The following APPL2 variants were observed in gnomAD, a reference collection of about 807,000 sequenced individuals.
The protein encoded by APPL2 is DCC-interacting protein 13-beta.
A neutral mutation model predicts 92.7 loss-of-function variants in APPL2; 84 were observed. The ratio of observed to expected loss-of-function variants is 0.91; its 90% CI spans 0.76 to 1.09. APPL2 has a LOEUF of 1.09. Among genes scored for constraint, APPL2 ranks in the 50% least tolerant of loss-of-function variants. APPL2 has a pLI of 0.00. For missense variants in APPL2, 736 were observed against 824.5 expected (o/e 0.89, Z 1.31); for synonymous variants, 291 against 291.0 (o/e 1.00, Z 0.00).
intron 17 of APPL2, among the ~76,000 whole-genome samples, chr12:105,180,387 T>C (rs960444283): frequency 9.9e-5 from 15 of 152,206 alleles, no homozygotes; most frequent in Non-Finnish European, 2.1e-4. Flanking sequence ...AGCCTTGTAG[T>C]ATAGTTTGAA....
chr12:105,189,124 T>C (rs1188004008), intron 16 of APPL2, among the ~76,000 whole-genome samples: 1 of 152,132 alleles, frequency 6.6e-6, no homozygotes, highest in Non-Finnish European at 1.5e-5. Flanking sequence ...GTTCAAGTGA[T>C]TCTCATGTCT....
At chr12:105,178,801 C>G (rs1592751540) in intron 17 of APPL2, among the ~76,000 whole-genome samples, 1 of 152,128 alleles carries the variant, frequency 6.6e-6, no homozygotes, top group African/African-American at 2.4e-5. Context: ...AGAAAAGTTA[C>G]TTTTACGTCC....
Position 105,185,109 on chromosome 12 carries a change from C to A in APPL2, c.1634+3164G>T, listed in dbSNP as rs112443877. ...AGTAATGGCGGATGCCCCTCCCCCC[C>A]ACCAAGCTCGAGCATCCCTGGTCAA... On this transcript the variant is annotated intron_variant, in intron 17 of 20. Coordinates refer to ENST00000258530, the MANE Select transcript of APPL2 (RefSeq NM_018171.5). Among the ~76,000 whole-genome samples, 38 of 152,286 alleles carry A rather than the reference C, an allele frequency of 2.5e-4. No homozygotes were observed. In the South Asian group the frequency reaches 2.9e-3, roughly 12 times the overall value.
At chr12:105,194,486 T>C (rs578005861) in intron 14 of APPL2, among the ~76,000 whole-genome samples, 99 of 151,154 alleles carry the variant, frequency 6.5e-4, no homozygotes, top group Non-Finnish European at 1.1e-3. Flanking sequence ...AGGTCAGGAG[T>C]TCAAGACCAG....
At chr12:105,177,719 ACT>A (rs1885689631) in intron 17 of APPL2, among the ~76,000 whole-genome samples, 1 of 152,116 alleles carries the variant, frequency 6.6e-6, no homozygotes, top group Non-Finnish European at 1.5e-5. Flanking sequence ...TTTTGACAAA[ACT>A]CTTATCAATT....
chr12:105,235,893 CGGGGCTGGA>C, intron 1 of APPL2, 57 bp downstream of exon 1: 1 of 1,206,074 alleles, frequency 8.3e-7, no homozygotes, highest in African/African-American at 1.6e-5. Flanking sequence ...GCCTCCACTC[CGGGGCTGGA>C]GGGGCCTCCT....
intron 14 of APPL2, among the ~76,000 whole-genome samples, chr12:105,190,710 C>T (rs1215973502): frequency 3.3e-5 from 5 of 152,314 alleles, no homozygotes; most frequent in Admixed American, 2.6e-4. Flanking sequence ...CTAGGCCAGC[C>T]GGCACCCCGC....
Position 105,229,194 on chromosome 12 carries a change from T to C in APPL2, c.84A>G (p.Glu28=). The C allele has an allele frequency of 6.2e-7, 1 of 1,613,886 alleles. No homozygotes were observed. Among genetic ancestry groups the C allele is most frequent in the Non-Finnish European group, 8.5e-7 (1 of 1,179,898 alleles). Residue 28 remains glutamate (E), a synonymous_variant, in exon 2 of 21, where the codon GAA becomes GAG. Transcript: ENST00000258530. ...QTRSLLSVFE[E]DAGTLTDYTN... is the part of the protein sequence containing the mutation. ...TATAGTCTGTGAGGGTGCCAGCATCTTCTTCAAACACGCTCAGTAAAGAGC... is the reference window on the plus strand; with the variant it reads ...TATAGTCTGTGAGGGTGCCAGCATCCTCTTCAAACACGCTCAGTAAAGAGC...
intron 2 of APPL2, 139 bp from the exon 3 acceptor site, chr12:105,217,864 A>G: frequency 1.5e-6 from 1 of 680,544 alleles, no homozygotes. Context: ...GTACTTTGGG[A>G]GATTGAGGCA....
At chr12:105,199,798 C>G (rs1887991478) in intron 9 of APPL2, among the ~76,000 whole-genome samples, 2 of 152,098 alleles carry the variant, frequency 1.3e-5, no homozygotes, top group South Asian at 4.1e-4. Context: ...TTGAACCCAG[C>G]TACACAGTCT....
chr12:105,233,285 A>C (rs1426124701), intron 1 of APPL2: 2 of 985,358 alleles, frequency 2.0e-6, no homozygotes, highest in Non-Finnish European at 2.4e-6. Flanking sequence ...GTGCCAGGCA[A>C]GGAGCAGAGG....
At position 105,173,519 on chromosome 12, in the gene APPL2, A is replaced by G. The variant is rs899770448; in HGVS notation, c.*795T>C. On this transcript the variant is annotated 3_prime_UTR_variant, in exon 21 of 21. Coordinates refer to ENST00000258530, the MANE Select transcript of APPL2 (RefSeq NM_018171.5). ...CCCATGACCAGCTGTGCTTCAAGTGAGTTTTAAAATTAATTGGTCCCTTCC... is the reference window on the plus strand; with the variant it reads ...CCCATGACCAGCTGTGCTTCAAGTGGGTTTTAAAATTAATTGGTCCCTTCC... 6.6e-6 allele frequency: 1 copy of G among 152,550 alleles called. No homozygotes were observed. The highest frequency in any genetic ancestry group is 1.5e-5 in the Non-Finnish European group (1 of 68,042). 9.4% of individuals were successfully genotyped at this position (152,550 alleles called of 1,614,324 possible).
chr12:105,236,005 G>T lies in APPL2; in HGVS notation c.8C>A (p.Ala3Asp). Reference protein sequence around the residue: MPAVDKLLLEEAL... With the variant: MPDVDKLLLEEAL... ...CTCCTCTAGCAGGAGCTTGTCCACG[G>T]CGGGCATGGTGCGGCGCGGCTCAGC... Residue 3 changes from alanine to aspartate, a missense_variant, in exon 1 of 21, where the codon GCC (alanine) becomes GAC (aspartate). Transcript: ENST00000258530. 8.0e-7 allele frequency: 1 copy of T among 1,251,144 alleles called. No individual in the cohort carries two copies. Among genetic ancestry groups the T allele is most frequent in the Non-Finnish European group, 1.0e-6 (1 of 990,324 alleles). 77.5% of individuals were successfully genotyped at this position (1,251,144 alleles called of 1,614,324 possible).
chr12:105,188,170 G>T (rs968732539), intron 17 of APPL2, 103 bp downstream of exon 17: 31 of 1,313,222 alleles, frequency 2.4e-5, no homozygotes, highest in Non-Finnish European at 3.2e-5. Flanking sequence ...AAAAGCAAGA[G>T]TAGTCTCTTC....
Position 105,206,962 on chromosome 12 carries a change from G to A in APPL2, c.621+99C>T. ...GTAGCCAGGGAGATTGTGCATTTAT[G>A]TTTCTTTCTACGACGATGCTTCAGT... On this transcript the variant is annotated intron_variant, in intron 8 of 20. Transcript: ENST00000258530. The A allele has an allele frequency of 1.2e-5, 17 of 1,440,172 alleles. No homozygotes were observed. The South Asian group carries it at 2.4e-4, about 20-fold the overall frequency. 89.2% of individuals were successfully genotyped at this position (1,440,172 alleles called of 1,614,324 possible).
intron 1 of APPL2, among the ~76,000 whole-genome samples, 165 bp downstream of exon 1, chr12:105,235,794 G>C (rs897913081): frequency 6.6e-6 from 1 of 152,030 alleles, no homozygotes; most frequent in Non-Finnish European, 1.5e-5. Context: ...TCAGGGCCCG[G>C]CCCGCCCCCT....
At chr12:105,228,697 A>T (rs778603767) in intron 2 of APPL2, among the ~76,000 whole-genome samples, 1 of 152,228 alleles carries the variant, frequency 6.6e-6, no homozygotes, top group Non-Finnish European at 1.5e-5. Context: ...TAGTTTCAGA[A>T]CTGTGACTCA....
At chr12:105,216,160 G>A (rs781751505) in intron 4 of APPL2, among the ~76,000 whole-genome samples, 1 of 152,036 alleles carries the variant, frequency 6.6e-6, no homozygotes, top group Admixed American at 6.5e-5. Context: ...ACCTGGTTTC[G>A]TTTTTTACAA....
intron 14 of APPL2, among the ~76,000 whole-genome samples, chr12:105,194,276 G>A (rs1446576429): frequency 6.6e-6 from 1 of 152,148 alleles, no homozygotes; most frequent in African/African-American, 2.4e-5. Flanking sequence ...CAAAAGGTAG[G>A]ATTCCTGGAA....
Sources: allele counts gnomAD v4.1 joint callset (sites outside exome capture counted in the v4.1 genomes callset), GRCh38; gene constraint gnomAD v4.1.1; transcripts MANE v1.5; gene names NCBI Gene and HGNC (gene_info 2026-07-23, HGNC 2026-07-21).